KIRREL1: variants seen among roughly 807,000 people sequenced by gnomAD.
KIRREL1 encodes the protein kin of IRRE-like protein 1.
Under a neutral mutation model 83.3 loss-of-function variants are expected in KIRREL1, and 25 were observed. The ratio of observed to expected loss-of-function variants is 0.30; its 90% confidence interval spans 0.22 to 0.42. KIRREL1 has a LOEUF of 0.42. Ranked by LOEUF, KIRREL1 falls within the 10% of genes least tolerant of loss-of-function variation. The pLI is 1.00. For synonymous variants in KIRREL1, 388 were observed against 410.4 expected, an observed-to-expected ratio of 0.95 and a Z score of 0.66; for missense variants, 812 against 1,032.3, an observed-to-expected ratio of 0.79 and a Z score of 2.92.
chr1:158,042,796 G>A (rs1660665395), intron 1 of KIRREL1, among the ~76,000 whole-genome samples: 5 of 151,686 alleles, frequency 3.3e-5, no homozygotes, highest in South Asian at 4.2e-4. Flanking sequence ...TTTGCCGGCT[G>A]GGCACGGTGG....
chr1:158,044,624 G>A (rs1382098162), intron 1 of KIRREL1, among the ~76,000 whole-genome samples: 1 of 152,102 alleles, frequency 6.6e-6, no homozygotes, highest in Admixed American at 6.5e-5. Flanking sequence ...TCAGCCTCCT[G>A]AGTAAATAGG....
intron 8 of KIRREL1, among the ~76,000 whole-genome samples, 163 bp downstream of exon 8, chr1:158,088,617 T>A (rs1372961979): frequency 6.6e-6 from 1 of 150,590 alleles, no homozygotes; most frequent in Admixed American, 6.6e-5. Context: ...CCCGAGTAGC[T>A]GGGACTACAG....
intron 1 of KIRREL1, among the ~76,000 whole-genome samples, chr1:158,058,207 T>A (rs1256802337): frequency 6.6e-6 from 1 of 152,172 alleles, no homozygotes; most frequent in Non-Finnish European, 1.5e-5. Flanking sequence ...GCACCACCAC[T>A]GACTCAAAGC....
Position 158,094,436 on chromosome 1 carries a change from T to G in KIRREL1, c.1797+46T>G, listed in dbSNP as rs769192625. On this transcript the variant is annotated intron_variant, in intron 14 of 14. Transcript: ENST00000359209. The surrounding 1 kb of genome is among the most constrained non-coding windows in gnomAD (Gnocchi z 4.6). Reference sequence around the variant, plus strand: ...CAGGGCATGAGGGCTGGTGGGCCAGTGGGTTTCTGAGGTCCTGTAGCGGGG... The same window carrying G: ...CAGGGCATGAGGGCTGGTGGGCCAGGGGGTTTCTGAGGTCCTGTAGCGGGG... The G allele has an allele frequency of 6.3e-7, 1 of 1,578,546 alleles. No homozygotes were observed. The highest frequency in any genetic ancestry group is 8.7e-7 in the Non-Finnish European group (1 of 1,151,654).
At chr1:158,043,378 C>T (rs1660693345) in intron 1 of KIRREL1, among the ~76,000 whole-genome samples, 1 of 152,006 alleles carries the variant, frequency 6.6e-6, no homozygotes, top group Non-Finnish European at 1.5e-5. Context: ...CATTCCTGCT[C>T]AGATGTGCTC....
chr1:158,033,138 G>A (rs1192661205), intron 1 of KIRREL1, among the ~76,000 whole-genome samples: 4 of 151,932 alleles, frequency 2.6e-5, no homozygotes, highest in Non-Finnish European at 5.9e-5. Flanking sequence ...GTGCAATGGC[G>A]CGATCTTGCT....
At chr1:158,048,858 T>C (rs1368722890) in intron 1 of KIRREL1, among the ~76,000 whole-genome samples, 1 of 152,118 alleles carries the variant, frequency 6.6e-6, no homozygotes, top group African/African-American at 2.4e-5. Context: ...GTAAAGTATT[T>C]AAAGTGTTTG....
At chr1:158,064,205 A>G (rs2101609121) in intron 1 of KIRREL1, among the ~76,000 whole-genome samples, 1 of 152,318 alleles carries the variant, frequency 6.6e-6, no homozygotes, top group East Asian at 1.9e-4. Flanking sequence ...AAATAAAAAA[A>G]GTTATAGCTG....
chr1:158,034,561 G>A (rs538537827), intron 1 of KIRREL1, among the ~76,000 whole-genome samples: 1 of 152,296 alleles, frequency 6.6e-6, no homozygotes, highest in Non-Finnish European at 1.5e-5. Context: ...GTGGGTTCAA[G>A]TTCAGAATCT....
intron 1 of KIRREL1, 26 bp from the exon 2 acceptor site, chr1:158,076,087 A>G (rs1455204204): frequency 6.2e-7 from 1 of 1,609,492 alleles, no homozygotes; most frequent in South Asian, 1.1e-5. Context: ...TACTCATCTT[A>G]CCCAGTGCTG....
chr1:158,089,620 A>G lies in KIRREL1; in HGVS notation c.1163A>G (p.Tyr388Cys), dbSNP rs747880117. The change falls in exon 9 of 15, where the codon TAT becomes TGT. Residue 388 changes from tyrosine to cysteine, a missense_variant. Coordinates refer to ENST00000359209, the MANE Select transcript of KIRREL1 (RefSeq NM_018240.7). ...GTGGCTGAGCGGGAGGTGCCGCTCT[A>G]TGTGAACGGTGAGTGAGTGGCCTGA... The part of the protein sequence containing the change: ...IGVAEREVPL[Y>C]VNGPPIISSE... The G allele has an allele frequency of 1.2e-6, 2 of 1,613,304 alleles. No individual in the cohort carries two copies. The highest frequency in any genetic ancestry group is 1.3e-5 in the African/African-American group (1 of 74,906).
chr1:158,042,670 A>G lies in KIRREL1; in HGVS notation c.53-33443A>G, dbSNP rs199640026. On this transcript the variant is annotated intron_variant, in intron 1 of 14. Transcript: ENST00000359209. ...TTCACAACAACCTGAGGTAGGTACG[A>G]CTATTCCCCAGTTTTGCAGATGAGA... Among the ~76,000 whole-genome samples the G allele has an allele frequency of 4.6e-5, 7 of 152,268 alleles. No homozygotes were observed. The East Asian group carries it at 9.7e-4, about 21-fold the overall frequency.
chr1:157,993,790 C>G (rs1343628787), intron 1 of KIRREL1, 62 bp downstream of exon 1: 4 of 1,181,112 alleles, frequency 3.4e-6, no homozygotes, highest in South Asian at 1.6e-5. Flanking sequence ...GCACTGCTTC[C>G]CCGGTGGGAG....
chr1:158,066,844 G>A (rs1410282782), intron 1 of KIRREL1, among the ~76,000 whole-genome samples: 1 of 152,122 alleles, frequency 6.6e-6, no homozygotes, highest in Non-Finnish European at 1.5e-5. Context: ...CCTGCCACCT[G>A]CCTCCTGTCT....
At chr1:158,079,912 G>C (rs1661798527) in intron 3 of KIRREL1, among the ~76,000 whole-genome samples, 1 of 152,212 alleles carries the variant, frequency 6.6e-6, no homozygotes, top group Non-Finnish European at 1.5e-5. Context: ...GAGGACTGGA[G>C]GGACCCAACA....
rs1377341672 is a variant in KIRREL1, at chr1:158,008,008, T to C, written c.52+14280T>C. ...GCTTGGCTCACCTCAGGTTCTATCA[T>C]CAAAGCAAAGCCGGGAGGCCCCCCT... On this transcript the variant is annotated intron_variant, in intron 1 of 14. Coordinates refer to ENST00000359209, the MANE Select transcript of KIRREL1 (RefSeq NM_018240.7). Among the ~76,000 whole-genome samples, 4 of 152,130 alleles carry C rather than the reference T, an allele frequency of 2.6e-5. No individual in the cohort carries two copies. The East Asian group carries it at 7.7e-4, about 29-fold the overall frequency.
chr1:158,060,776 G>A (rs183644648), intron 1 of KIRREL1, among the ~76,000 whole-genome samples: 3 of 152,286 alleles, frequency 2.0e-5, no homozygotes, highest in Admixed American at 2.0e-4. Flanking sequence ...GAATGCTGGA[G>A]TCGGGGCTTG....
Position 158,094,599 on chromosome 1 carries a change from C to T in KIRREL1, c.1798-45C>T. On this transcript the variant is annotated intron_variant, in intron 14 of 14. Coordinates refer to ENST00000359209, the MANE Select transcript of KIRREL1 (RefSeq NM_018240.7). This position sits in a 1 kb window ranked among gnomAD's most constrained non-coding sequence, Gnocchi z 4.6. ...AGCCATGGTGAGACTTGATCCCCAC[C>T]CAAGAGGGAACACTGCCTCCATCCT... 6.7e-7 allele frequency: 1 copy of T among 1,489,578 alleles called. No individual in the cohort carries two copies. The highest frequency in any genetic ancestry group is 9.2e-7 in the Non-Finnish European group (1 of 1,088,196). The allele number at this position is 1,489,578 out of a possible 1,614,324, so 92.3% of individuals were successfully genotyped here. A position where few individuals can be genotyped will look rare whatever the true frequency, so the allele number is the denominator to read the frequency against.
chr1:158,048,474 G>A (rs1660831185), intron 1 of KIRREL1, among the ~76,000 whole-genome samples: 1 of 152,290 alleles, frequency 6.6e-6, no homozygotes, highest in South Asian at 2.1e-4. Context: ...CAGCATGATT[G>A]TTTTGAGCCA....
Sources: gnomAD v4.1 joint callset for allele counts (sites outside exome capture counted in the v4.1 genomes callset) on GRCh38, gnomAD v4.1.1 for gene constraint, Gnocchi (gnomAD v3.1) non-coding constraint, MANE v1.5 for transcripts, NCBI Gene and HGNC (gene_info 2026-07-23, HGNC 2026-07-21) for gene names.